PACS1: variants seen among roughly 807,000 people sequenced by gnomAD.
The protein encoded by PACS1 is PACS-1.
PACS1 carries 24 observed loss-of-function variants against 115.0 expected under a neutral mutation model. The ratio of observed to expected loss-of-function variants is 0.21; its 90% CI spans 0.15 to 0.29. PACS1 has a LOEUF of 0.29. Ranked by LOEUF, PACS1 falls within the 10% of genes least tolerant of loss-of-function variation. The pLI, the probability that PACS1 is intolerant of heterozygous loss-of-function variation, is 1.00. For synonymous variants in PACS1, 453 were observed against 504.5 expected (o/e 0.90, Z 1.37); for missense variants, 838 against 1,251.2 (o/e 0.67, Z 4.98).
Position 66,243,003 on chromosome 11 carries a change from A to G in PACS1, c.2748A>G (p.Ser916=). ...AAGGCATCAGCCGCCTCATCTGCTC[A>G]GCCAAGCAGCAGCAGACTATGCTGA... ...VIEGISRLIC[S]AKQQQTMLRV... The change falls in exon 23 of 24, where the codon TCA becomes TCG. Residue 916 remains serine, a synonymous_variant. Coordinates refer to ENST00000320580, the MANE Select transcript of PACS1 (RefSeq NM_018026.4). The G allele has an allele frequency of 1.2e-6, 2 of 1,613,982 alleles. No homozygotes were observed. Among genetic ancestry groups the G allele is most frequent in the Non-Finnish European group, 1.7e-6 (2 of 1,179,940 alleles).
intron 1 of PACS1, among the ~76,000 whole-genome samples, chr11:66,075,975 G>T (rs778527751): frequency 1.3e-5 from 2 of 152,156 alleles, no homozygotes; most frequent in Non-Finnish European, 2.9e-5. Flanking sequence ...CTGACCTCGT[G>T]ATCCACCTGC....
chr11:66,109,956 G>A (rs1019109197), intron 1 of PACS1, among the ~76,000 whole-genome samples: 17 of 152,084 alleles, frequency 1.1e-4, no homozygotes, highest in African/African-American at 4.1e-4. Flanking sequence ...AGATATAAAC[G>A]GCACAAGTGA....
chr11:66,092,201 A>C (rs888972505), intron 1 of PACS1, among the ~76,000 whole-genome samples: 10 of 151,984 alleles, frequency 6.6e-5, no homozygotes, highest in African/African-American at 2.4e-4. Context: ...TTGACTTTTT[A>C]ATGATTGCCA....
chr11:66,147,256 A>C (rs548022522), intron 1 of PACS1, among the ~76,000 whole-genome samples: 1 of 152,322 alleles, frequency 6.6e-6, no homozygotes, highest in East Asian at 1.9e-4. Flanking sequence ...TATATCTAGC[A>C]AAAGTATTCT....
intron 13 of PACS1, chr11:66,231,954 C>T (rs527565905): frequency 2.0e-6 from 1 of 487,946 alleles, no homozygotes; most frequent in South Asian, 2.6e-5. Context: ...CTTTGTTCCT[C>T]ATCTCCATGT....
At chr11:66,175,198 T>C (rs1859827355) in intron 1 of PACS1, among the ~76,000 whole-genome samples, 1 of 152,154 alleles carries the variant, frequency 6.6e-6, no homozygotes, top group Non-Finnish European at 1.5e-5. Context: ...TTTTATAATA[T>C]GTAAATTAAA....
At chr11:66,107,122 A>G (rs1858064150) in intron 1 of PACS1, among the ~76,000 whole-genome samples, 1 of 152,188 alleles carries the variant, frequency 6.6e-6, no homozygotes, top group African/African-American at 2.4e-5. Context: ...CTGTGAGTCT[A>G]CATGAAATGA....
At chr11:66,213,679 C>T (rs1855131550) in intron 4 of PACS1, among the ~76,000 whole-genome samples, 1 of 152,228 alleles carries the variant, frequency 6.6e-6, no homozygotes, top group East Asian at 1.9e-4. Context: ...CAGTTCCAAC[C>T]CAATGCCTTT....
At position 66,165,138 on chromosome 11, in the gene PACS1, A is replaced by G. The variant is rs80185998; in HGVS notation, c.357-28348A>G. Among the ~76,000 whole-genome samples, 596 of 152,292 alleles carry G rather than the reference A, an allele frequency of 3.9e-3. 3 individuals carry two copies. Among genetic ancestry groups the G allele is most frequent in the African/African-American group, 0.013 (553 of 41,554 alleles). On this transcript the variant is annotated intron_variant, in intron 1 of 23. Coordinates refer to ENST00000320580, the MANE Select transcript of PACS1 (RefSeq NM_018026.4). The stretch of plus-strand genomic sequence containing the variant: ...TTCCTGCTCCACTGAAATGTCTACT[A>G]TTGTAGTCACCAGTATTCTTCATTC...
At chr11:66,128,344 G>A (rs956108194) in intron 1 of PACS1, among the ~76,000 whole-genome samples, 2 of 152,174 alleles carry the variant, frequency 1.3e-5, no homozygotes, top group African/African-American at 2.4e-5. Flanking sequence ...TGTGAAAATT[G>A]TGGATACATT....
In PACS1 at chr11:66,216,168, A is replaced by G. The variant is rs751491596; in HGVS notation, c.710A>G (p.Asn237Ser). ...GCACTGGTGCTTGGCCTACACAGCA[A>G]CGTGAAGGATGTCTCTGTGCCTGTG... ...EGALVLGLHSNVKDVSVPVAE... is the reference protein window; with the variant it reads ...EGALVLGLHSSVKDVSVPVAE... Residue 237 changes from asparagine to serine, a missense_variant, in exon 5 of 24, where the codon AAC becomes AGC. This residue lies in a region of PACS1 where 223 missense variants were observed against 354.0 expected (regional missense o/e 0.63). Coordinates refer to ENST00000320580, the MANE Select transcript of PACS1 (RefSeq NM_018026.4). 44 of 1,613,842 alleles carry G rather than the reference A, an allele frequency of 2.7e-5. No homozygotes were observed. The highest frequency in any genetic ancestry group is 1.6e-4 in the Middle Eastern group (1 of 6,084).
At chr11:66,160,108 A>G (rs1168119830) in intron 1 of PACS1, among the ~76,000 whole-genome samples, 1 of 152,202 alleles carries the variant, frequency 6.6e-6, no homozygotes, top group Non-Finnish European at 1.5e-5. Context: ...AGATTCATTA[A>G]GAGTTGGACA....
At chr11:66,074,561 T>G (rs1857362223) in intron 1 of PACS1, among the ~76,000 whole-genome samples, 1 of 152,200 alleles carries the variant, frequency 6.6e-6, no homozygotes, top group Non-Finnish European at 1.5e-5. Flanking sequence ...TAAAAGTGAT[T>G]ATTAAGAGAT....
intron 1 of PACS1, among the ~76,000 whole-genome samples, chr11:66,178,459 C>T (rs1859925531): frequency 6.6e-6 from 1 of 152,134 alleles, no homozygotes; most frequent in Non-Finnish European, 1.5e-5. Context: ...GATAGACATT[C>T]ACAGTATTAA....
intron 1 of PACS1, among the ~76,000 whole-genome samples, chr11:66,100,172 G>C (rs1359846990): frequency 6.6e-6 from 1 of 152,142 alleles, no homozygotes; most frequent in South Asian, 2.1e-4. Context: ...GGGCCACCAC[G>C]CCTGCCTTTT....
chr11:66,149,679 C>CATGTGTGT (rs1554982390), intron 1 of PACS1, among the ~76,000 whole-genome samples: 20 of 118,304 alleles, frequency 1.7e-4, no homozygotes, highest in African/African-American at 5.3e-4. Flanking sequence ...ATCTTGTGTT[C>CATGTGTGT]GTGTGTGTGT....
chr11:66,101,756 G>A (rs1220877800), intron 1 of PACS1, among the ~76,000 whole-genome samples: 1 of 152,150 alleles, frequency 6.6e-6, no homozygotes, highest in Non-Finnish European at 1.5e-5. Flanking sequence ...GAATACATAG[G>A]AGCAGGGAGT....
chr11:66,170,408 CT>C (rs1486792122), intron 1 of PACS1, among the ~76,000 whole-genome samples: 4 of 150,396 alleles, frequency 2.7e-5, no homozygotes, highest in East Asian at 1.9e-4. Context: ...AAAGTTTCCC[CT>C]AATACCTGCT....
At position 66,089,513 on chromosome 11, in the gene PACS1, G is replaced by A. The variant is rs749374436; in HGVS notation, c.356+18671G>A. ...AGCTTCCTGGTAGAGTGGATTGAAC[G>A]CTGGACTTGGAACCAGAAGAATTAA... On this transcript the variant is annotated intron_variant, in intron 1 of 23. Transcript: ENST00000320580. Among the ~76,000 whole-genome samples the A allele has an allele frequency of 7.3e-4, 111 of 152,112 alleles. 1 individual carries two copies. The highest frequency in any genetic ancestry group is 2.5e-3 in the Admixed American group (38 of 15,274).
Sources: gnomAD v4.1 joint callset for allele counts (sites outside exome capture counted in the v4.1 genomes callset) on GRCh38, gnomAD v4.1.1 for gene constraint, gnomAD v4.1.1 regional missense constraint, MANE v1.5 for transcripts, NCBI Gene and HGNC (gene_info 2026-07-23, HGNC 2026-07-21) for gene names.